Variants in ZEB2 observed in about 807,000 individuals in gnomAD.
ZEB2 encodes zinc finger E-box-binding homeobox 2.
In ZEB2, 6 loss-of-function variants were observed where a neutral mutation model predicts 99.9. That is an observed-to-expected ratio of 0.06 (90% confidence interval 0.03 to 0.12). The LOEUF (loss-of-function observed/expected upper bound fraction) is 0.12. ZEB2 is among the 10% of genes least tolerant of loss of function. The pLI, the probability that ZEB2 is intolerant of heterozygous loss-of-function variation, is 1.00. For synonymous variants in ZEB2, 517 were observed against 542.5 expected (o/e 0.95, Z 0.65); for missense variants, 969 against 1,502.8 (o/e 0.64, Z 5.87).
chr2:144,518,839 C>T (rs1334375014), intron 1 of ZEB2: 2 of 152,138 alleles, frequency 1.3e-5, no homozygotes, highest in East Asian at 3.8e-4. Context: ...CACACGACTG[C>T]ATATAAATAC....
At chr2:144,482,283 A>G (rs927579288) in intron 2 of ZEB2, 1 of 152,154 alleles carries the variant, frequency 6.6e-6, no homozygotes, top group Non-Finnish European at 1.5e-5. Context: ...CCCAGTCATG[A>G]TCTTCCCTGA....
intron 4 of ZEB2, among the ~76,000 whole-genome samples, chr2:144,405,971 T>C (rs1703380992): frequency 6.6e-6 from 1 of 152,198 alleles, no homozygotes; most frequent in Non-Finnish European, 1.5e-5. Context: ...TTATTCTTTA[T>C]CCTAAGTAGG....
Position 144,404,094 on chromosome 2 carries a change from A to T in ZEB2, c.629T>A (p.Leu210Gln). ...CCGGTCGCAGTAGGGGCAGGTCAGC[A>T]GTTGGGCAAAAGCATCTGGAGTTCC... ...PPGTPDAFAQ[L>Q]LTCPYCDRGY... The change falls in exon 6 of 10, where the codon CTG becomes CAG. Residue 210 changes from leucine to glutamine, a missense_variant. By Grantham distance (113) the Leu-to-Gln change is moderately radical. Coordinates refer to ENST00000627532, the MANE Select transcript of ZEB2 (RefSeq NM_014795.4). 2 of 1,614,096 alleles carry T rather than the reference A, an allele frequency of 1.2e-6. No homozygotes were observed. The highest frequency in any genetic ancestry group is 1.7e-6 in the Non-Finnish European group (2 of 1,180,008).
chr2:144,518,674 G>A (rs1705210339), intron 1 of ZEB2: 1 of 152,144 alleles, frequency 6.6e-6, no homozygotes, highest in African/African-American at 2.4e-5. Context: ...AATTTACCTA[G>A]GCATACATAG....
intron 2 of ZEB2, among the ~76,000 whole-genome samples, chr2:144,479,675 CTT>C (rs77727562): frequency 5.4e-4 from 12 of 22,376 alleles, no homozygotes; most frequent in African/African-American, 1.7e-3. Context: ...GTGTATGCTA[CTT>C]TTTTTTGGGG....
intron 2 of ZEB2, among the ~76,000 whole-genome samples, chr2:144,432,109 G>C (rs1703781504): frequency 6.6e-6 from 1 of 151,482 alleles, no homozygotes; most frequent in Admixed American, 6.6e-5. Context: ...ATATTTTCTT[G>C]TGGAAAAAAA....
intron 2 of ZEB2, among the ~76,000 whole-genome samples, chr2:144,459,981 G>A (rs1299035223): frequency 6.6e-6 from 1 of 152,120 alleles, no homozygotes; most frequent in Admixed American, 6.6e-5. Context: ...AGATCCTGAA[G>A]AAAATATGAA....
chr2:144,418,844 G>GA (rs1274395065), intron 4 of ZEB2, among the ~76,000 whole-genome samples: 2 of 151,430 alleles, frequency 1.3e-5, no homozygotes, highest in Non-Finnish European at 2.9e-5. Flanking sequence ...GGTGATGAGG[G>GA]AAAAAAAACT....
chr2:144,516,813 G>A (rs1705155472), intron 2 of ZEB2: 1 of 151,728 alleles, frequency 6.6e-6, no homozygotes, highest in Non-Finnish European at 1.5e-5. Context: ...CGCAGACCCG[G>A]TTCCCCTCTC....
intron 2 of ZEB2, chr2:144,511,520 C>T (rs1050885130): frequency 7.8e-7 from 1 of 1,281,368 alleles, no homozygotes; most frequent in Non-Finnish European, 1.0e-6. Flanking sequence ...TTCCATGGAG[C>T]CTACTGATTA....
At chr2:144,476,526 G>A (rs2149911729) in intron 2 of ZEB2, among the ~76,000 whole-genome samples, 2 of 152,246 alleles carry the variant, frequency 1.3e-5, no homozygotes, top group East Asian at 3.9e-4. Context: ...TAGAAGATCA[G>A]GAACACTGGG....
intron 2 of ZEB2, chr2:144,482,433 G>A (rs540878286): frequency 5.9e-5 from 9 of 151,816 alleles, no homozygotes; most frequent in South Asian, 2.1e-4. Context: ...TTATTCTTTC[G>A]TTCTAACCAT....
intron 2 of ZEB2, among the ~76,000 whole-genome samples, chr2:144,467,941 T>C (rs1285947155): frequency 1.3e-5 from 2 of 151,946 alleles, no homozygotes; most frequent in African/African-American, 4.8e-5. Context: ...ACAGGCTGAA[T>C]GGTAGGGGCA....
intron 4 of ZEB2, among the ~76,000 whole-genome samples, chr2:144,406,491 G>A (rs1248580803): frequency 6.6e-6 from 1 of 152,188 alleles, no homozygotes; most frequent in African/African-American, 2.4e-5. Flanking sequence ...AACTGAAGAA[G>A]CATGAAGTTA....
At chr2:144,452,100 G>C (rs575595764) in intron 2 of ZEB2, among the ~76,000 whole-genome samples, 3 of 152,186 alleles carry the variant, frequency 2.0e-5, no homozygotes, top group Non-Finnish European at 4.4e-5. Context: ...CACTCGTACT[G>C]TATCTTTGCT....
rs929385261 is a variant in ZEB2, at chr2:144,396,736, T to C, written c.2887-144A>G. 8 of 833,408 alleles carry C rather than the reference T, an allele frequency of 9.6e-6. No individual in the cohort carries two copies. In the African/African-American group the frequency reaches 1.0e-4, roughly 11 times the overall value. The allele number at this position is 833,408 out of a possible 1,614,324, so 51.6% of individuals were successfully genotyped here. A position where few individuals can be genotyped will look rare whatever the true frequency, so the allele number is the denominator to read the frequency against. On this transcript the variant is annotated intron_variant, in intron 8 of 9. Transcript: ENST00000627532. ...AACATTTTTTTTTCCATGAACAATA[T>C]ATGAGGTCTCAATATGCAGTATATG...
chr2:144,392,165 G>A (rs1017320479), intron 9 of ZEB2, among the ~76,000 whole-genome samples: 1 of 152,238 alleles, frequency 6.6e-6, no homozygotes, highest in Non-Finnish European at 1.5e-5. Context: ...TGATGCTCTA[G>A]TTGCTACGGC....
At chr2:144,400,445 C>A in intron 7 of ZEB2, 175 bp from the exon 8 acceptor site, 1 of 720,204 alleles carries the variant, frequency 1.4e-6, no homozygotes, top group Non-Finnish European at 2.3e-6. Flanking sequence ...TTTATCTGCC[C>A]TGGGAGGACA....
At chr2:144,512,766 A>G (rs1156321744) in intron 2 of ZEB2, 1 of 1,287,224 alleles carries the variant, frequency 7.8e-7, no homozygotes, top group Non-Finnish European at 1.0e-6. Flanking sequence ...AAACAAATAG[A>G]TCAGCCTAGA....
Sources: allele counts gnomAD v4.1 joint callset (sites outside exome capture counted in the v4.1 genomes callset), GRCh38; gene constraint gnomAD v4.1.1; transcripts MANE v1.5; gene names NCBI Gene and HGNC (gene_info 2026-07-23, HGNC 2026-07-21).